The following PPAT variants were observed in gnomAD, a reference collection of about 807,000 sequenced individuals.
PPAT encodes the protein amidophosphoribosyltransferase.
A neutral mutation model predicts 60.2 loss-of-function variants in PPAT; 20 were observed. The observed-to-expected ratio is 0.33, with a 90% CI of 0.23 to 0.48. PPAT has a LOEUF of 0.48. Among genes scored for constraint, PPAT ranks in the 20% least tolerant of loss-of-function variants. The pLI, the probability that PPAT is intolerant of heterozygous loss-of-function variation, is 0.99. For missense variants in PPAT, 349 were observed against 629.6 expected, an observed-to-expected ratio of 0.55 and a Z score of 4.77; for synonymous variants, 194 against 215.1, an observed-to-expected ratio of 0.90 and a Z score of 0.86.
chr4:56,432,963 T>C (rs1452918184), intron 1 of PPAT, among the ~76,000 whole-genome samples: 1 of 132,682 alleles, frequency 7.5e-6, no homozygotes, highest in Non-Finnish European at 1.6e-5. Context: ...CAGAGTACGA[T>C]ATATATATAC....
At chr4:56,403,766 G>A (rs759589632) in intron 3 of PPAT, among the ~76,000 whole-genome samples, 2 of 152,112 alleles carry the variant, frequency 1.3e-5, no homozygotes, top group Non-Finnish European at 2.9e-5. Context: ...AGTCCCATCT[G>A]GGGGTGATGG....
chr4:56,419,715 C>T, intron 1 of PPAT: 2 of 981,218 alleles, frequency 2.0e-6, no homozygotes, highest in Non-Finnish European at 2.4e-6. Context: ...AGTCAGGGCT[C>T]TAATAGACAT....
chr4:56,407,613 T>C (rs1359968817), intron 2 of PPAT, 37 bp downstream of exon 2: 1 of 1,522,018 alleles, frequency 6.6e-7, no homozygotes, highest in Admixed American at 1.7e-5. Flanking sequence ...CCACCGCACT[T>C]GGTCTGTCAT....
chr4:56,402,053 A>C, intron 6 of PPAT, 56 bp downstream of exon 6: 1 of 1,378,334 alleles, frequency 7.3e-7, no homozygotes. Context: ...AAACTGTCTA[A>C]AAAAAATTCT....
intron 1 of PPAT, among the ~76,000 whole-genome samples, chr4:56,424,793 C>T (rs1356007412): frequency 1.3e-5 from 2 of 152,160 alleles, no homozygotes; most frequent in African/African-American, 2.4e-5. Flanking sequence ...GACTTAATTC[C>T]GCTCCAATAT....
chr4:56,435,292 G>A (rs1717843762), intron 1 of PPAT, 58 bp downstream of exon 1: 2 of 1,605,150 alleles, frequency 1.2e-6, no homozygotes, highest in African/African-American at 1.3e-5. Flanking sequence ...GCCGACTGCG[G>A]GAAGCGGCTC....
In PPAT at chr4:56,406,501, C is replaced by G. The variant is rs1242996590; in HGVS notation, c.396G>C (p.Arg132Ser). 1.2e-6 allele frequency: 2 copies of G among 1,610,788 alleles called. No homozygotes were observed. The highest frequency in any genetic ancestry group is 1.7e-6 in the Non-Finnish European group (2 of 1,178,954). Reference sequence around the variant, plus strand: ...AACAAACAAACAAACGTACCTTTTTCCTTAATCGAGCAGCATTTACCAATT... The same window carrying G: ...AACAAACAAACAAACGTACCTTTTTGCTTAATCGAGCAGCATTTACCAATT... ...NGELVNAARL[R>S]KKLLRHGIGL... The change falls in exon 3 of 11, where the codon AGG (arginine) becomes AGC (serine). Residue 132 changes from arginine (R) to serine (S), a missense_variant. Physicochemically the swap from Arg to Ser is moderately radical, Grantham distance 110. Around this residue, in one of 5 missense-constraint regions of PPAT, gnomAD observed 115 missense variants for 174.5 expected, o/e 0.66. Coordinates refer to ENST00000264220, the MANE Select transcript of PPAT (RefSeq NM_002703.5).
chr4:56,432,787 CA>C (rs5858378), intron 1 of PPAT, among the ~76,000 whole-genome samples: 24,423 of 82,282 alleles, frequency 0.3, 2,206 homozygotes, highest in Admixed American at 0.44. Flanking sequence ...GACTCTGTCT[CA>C]AAAAAAAAAA....
chr4:56,400,595 T>C, intron 8 of PPAT, 189 bp downstream of exon 8: 2 of 558,980 alleles, frequency 3.6e-6, no homozygotes, highest in East Asian at 3.3e-5. Context: ...AACCTTTTAG[T>C]GGTTTTCACT....
intron 8 of PPAT, 62 bp downstream of exon 8, chr4:56,400,722 C>A: frequency 6.7e-7 from 1 of 1,484,014 alleles, no homozygotes; most frequent in Non-Finnish European, 9.1e-7. Context: ...TCTTTATAGG[C>A]AAGGGTTTCT....
At chr4:56,423,721 A>G (rs536338141) in intron 1 of PPAT, among the ~76,000 whole-genome samples, 117 of 152,214 alleles carry the variant, frequency 7.7e-4, no homozygotes, top group African/African-American at 2.6e-3. Flanking sequence ...ATATTTAGAA[A>G]ATGTGAAACA....
chr4:56,424,329 A>G (rs1216038015), intron 1 of PPAT, among the ~76,000 whole-genome samples: 1 of 151,742 alleles, frequency 6.6e-6, no homozygotes, highest in East Asian at 1.9e-4. Context: ...GGTTGGAGTC[A>G]GTTCAGGCAC....
chr4:56,415,145 T>C (rs890896559), intron 1 of PPAT, among the ~76,000 whole-genome samples: 1 of 152,308 alleles, frequency 6.6e-6, no homozygotes, highest in African/African-American at 2.4e-5. Flanking sequence ...ATTTATGCCA[T>C]TAAAATCACA....
chr4:56,430,381 A>G (rs1450748503), intron 1 of PPAT, among the ~76,000 whole-genome samples: 1 of 152,156 alleles, frequency 6.6e-6, no homozygotes, highest in Non-Finnish European at 1.5e-5. Context: ...TGTACAGATG[A>G]GGAAACTGAG....
intron 1 of PPAT, among the ~76,000 whole-genome samples, chr4:56,417,096 G>A (rs113757278): frequency 0.092 from 13,981 of 152,086 alleles, 802 homozygotes; most frequent in East Asian, 0.25. Flanking sequence ...TGATCCACCC[G>A]CCTCGGCCTC....
At chr4:56,420,963 G>T (rs971139072) in intron 1 of PPAT, 2 of 152,124 alleles carry the variant, frequency 1.3e-5, no homozygotes, top group Non-Finnish European at 2.9e-5. Flanking sequence ...TAGACCAGGG[G>T]TCCCCAACAC....
At position 56,403,273 on chromosome 4, in the gene PPAT, C is replaced by T; in HGVS notation, c.515+16G>A. 1 of 1,604,578 alleles carries T rather than the reference C, an allele frequency of 6.2e-7. No homozygotes were observed. The highest frequency in any genetic ancestry group is 8.5e-7 in the Non-Finnish European group (1 of 1,171,376). ...TCCTTACTAGAGCTCTAAGTTTAGT[C>T]CAGTTCTCTGCTTACCTGGCTACCC... On this transcript the variant is annotated intron_variant, in intron 4 of 10. Coordinates refer to ENST00000264220, the MANE Select transcript of PPAT (RefSeq NM_002703.5).
At chr4:56,427,991 T>C (rs963464861) in intron 1 of PPAT, among the ~76,000 whole-genome samples, 6 of 152,204 alleles carry the variant, frequency 3.9e-5, no homozygotes, top group African/African-American at 1.2e-4. Flanking sequence ...ACTGGGACTT[T>C]CCATATTCAC....
chr4:56,415,272 G>C (rs985625017), intron 1 of PPAT, among the ~76,000 whole-genome samples: 4 of 152,138 alleles, frequency 2.6e-5, no homozygotes, highest in Admixed American at 1.3e-4. Flanking sequence ...TTTTAATTGA[G>C]ACATTACAAA....
Sources: gnomAD v4.1 joint callset for allele counts (sites outside exome capture counted in the v4.1 genomes callset) on GRCh38, gnomAD v4.1.1 for gene constraint, gnomAD v4.1.1 regional missense constraint, MANE v1.5 for transcripts, NCBI Gene and HGNC (gene_info 2026-07-23, HGNC 2026-07-21) for gene names.